Variants in PCDH11X observed in about 807,000 individuals in gnomAD.
PCDH11X encodes the protein protocadherin 11 X-linked, also known as protocadherin-11 X-linked.
In PCDH11X, 18 loss-of-function variants were observed where a neutral mutation model predicts 53.3. The observed-to-expected ratio is 0.34, with a 90% confidence interval of 0.23 to 0.50. PCDH11X has a LOEUF of 0.50. Ranked by LOEUF, PCDH11X falls within the 20% of genes least tolerant of loss-of-function variation. The pLI is 0.98. For synonymous variants in PCDH11X, 279 were observed against 393.3 expected (o/e 0.71, Z 3.44); for missense variants, 570 against 1,032.4 (o/e 0.55, Z 6.14).
chrX:92,540,662 G>T (rs2074740010), intron 10 of PCDH11X, among the ~76,000 whole-genome samples: 2 of 105,990 alleles, frequency 1.9e-5, no homozygotes, highest in Admixed American at 2.1e-4. Flanking sequence ...TGGGAATATG[G>T]CAGGTCACAC....
chrX:91,933,968 T>C (rs2061416956), intron 6 of PCDH11X, among the ~76,000 whole-genome samples: 1 of 110,397 alleles, frequency 9.1e-6, no homozygotes, highest in East Asian at 2.9e-4. Flanking sequence ...GTTGAATGTG[T>C]TGAGTGTCTC....
intron 1 of PCDH11X, among the ~76,000 whole-genome samples, chrX:91,790,448 C>T (rs1935495150): frequency 8.9e-6 from 1 of 112,307 alleles, no homozygotes; most frequent in Non-Finnish European, 1.9e-5. Flanking sequence ...CAGAATTGAA[C>T]ATATCAGCTA....
chrX:91,870,470 G>C (rs1939226441), intron 5 of PCDH11X, among the ~76,000 whole-genome samples: 1 of 109,685 alleles, frequency 9.1e-6, no homozygotes, highest in Non-Finnish European at 1.9e-5. Flanking sequence ...TGTCAAAAGG[G>C]AAAAACAAAG....
intron 6 of PCDH11X, among the ~76,000 whole-genome samples, chrX:91,911,474 C>A (rs1207752654): frequency 4.6e-5 from 5 of 108,210 alleles, no homozygotes; most frequent in Non-Finnish European, 9.6e-5. Flanking sequence ...TCCAATTATA[C>A]TTTTTTGGTT....
At chrX:92,199,602 T>C (rs2066354668) in intron 6 of PCDH11X, among the ~76,000 whole-genome samples, 1 of 111,086 alleles carries the variant, frequency 9.0e-6, no homozygotes, top group Non-Finnish European at 1.9e-5. Flanking sequence ...CAGTTAGGTC[T>C]CAGCAGTTCT....
chrX:92,168,703 T>C (rs1183169386), intron 6 of PCDH11X, among the ~76,000 whole-genome samples: 1 of 111,861 alleles, frequency 8.9e-6, no homozygotes, highest in Non-Finnish European at 1.9e-5. Flanking sequence ...AGTTGTACCA[T>C]TGAAAGTTAT....
intron 1 of PCDH11X, among the ~76,000 whole-genome samples, chrX:91,795,653 G>A (rs1935708593): frequency 9.0e-6 from 1 of 110,737 alleles, no homozygotes; most frequent in Non-Finnish European, 1.9e-5. Context: ...CTTCTTGAAT[G>A]TTAGGGACGT....
chrX:92,330,837 A>T (rs2069447014), intron 8 of PCDH11X, among the ~76,000 whole-genome samples: 1 of 102,385 alleles, frequency 9.8e-6, no homozygotes, highest in Non-Finnish European at 2.0e-5. Context: ...TGTATGAATC[A>T]ACTTATGTAA....
intron 10 of PCDH11X, among the ~76,000 whole-genome samples, chrX:92,583,264 T>C (rs1364426790): frequency 1.9e-5 from 2 of 105,678 alleles, no homozygotes; most frequent in Non-Finnish European, 3.9e-5. Flanking sequence ...CATGCCTGGC[T>C]AATTTTGTGT....
At chrX:92,158,878 C>T (rs1188556511) in intron 6 of PCDH11X, among the ~76,000 whole-genome samples, 1 of 111,629 alleles carries the variant, frequency 9.0e-6, no homozygotes, top group Non-Finnish European at 1.9e-5. Flanking sequence ...TCGTGATCTG[C>T]TCACCTCGGC....
intron 7 of PCDH11X, among the ~76,000 whole-genome samples, chrX:92,215,164 C>G (rs372738419): frequency 3.6e-5 from 4 of 110,745 alleles, no homozygotes; most frequent in Non-Finnish European, 7.6e-5. Flanking sequence ...TCTGAGGTAC[C>G]GGGTTCATCT....
At chrX:92,348,535 TA>T in intron 8 of PCDH11X, among the ~76,000 whole-genome samples, 1 of 105,611 alleles carries the variant, frequency 9.5e-6, no homozygotes, top group Middle Eastern at 4.8e-3. Flanking sequence ...TTATTATTAT[TA>T]TTATTATTAT....
intron 6 of PCDH11X, among the ~76,000 whole-genome samples, chrX:92,004,861 C>T (rs773943658): frequency 2.9e-5 from 3 of 104,911 alleles, no homozygotes; most frequent in South Asian, 9.1e-4. Flanking sequence ...CTGCAAGCTC[C>T]GCCTCCCAGG....
intron 10 of PCDH11X, among the ~76,000 whole-genome samples, chrX:92,582,454 G>C (rs77338681): frequency 0.021 from 2,343 of 109,487 alleles, 62 homozygotes; most frequent in African/African-American, 0.074. Context: ...ACGTGGTGTT[G>C]AGCCTGTGAG....
chrX:92,593,275 G>T (rs1207566402), intron 10 of PCDH11X, among the ~76,000 whole-genome samples: 1 of 111,626 alleles, frequency 9.0e-6, no homozygotes, highest in Admixed American at 9.6e-5. Flanking sequence ...GACATATAGA[G>T]TTAGCCAGAT....
chrX:92,332,138 T>A (rs1179851950), intron 8 of PCDH11X, among the ~76,000 whole-genome samples: 1 of 112,035 alleles, frequency 8.9e-6, no homozygotes, highest in Non-Finnish European at 1.9e-5. Context: ...CATTTGCAAA[T>A]TATCTGCTGA....
intron 10 of PCDH11X, among the ~76,000 whole-genome samples, chrX:92,534,618 T>C (rs996623935): frequency 1.8e-5 from 2 of 110,099 alleles, no homozygotes; most frequent in African/African-American, 6.6e-5. Flanking sequence ...TTCACCAAGG[T>C]TGAAATGAAG....
chrX:92,074,426 C>A (rs1290860043), intron 6 of PCDH11X, among the ~76,000 whole-genome samples: 2 of 111,070 alleles, frequency 1.8e-5, no homozygotes, highest in East Asian at 5.6e-4. Context: ...TTATTTATGT[C>A]TGAAAATGAA....
intron 7 of PCDH11X, among the ~76,000 whole-genome samples, chrX:92,210,809 C>T (rs1737986303): frequency 1.8e-5 from 2 of 111,597 alleles, no homozygotes; most frequent in Non-Finnish European, 1.9e-5. Flanking sequence ...GTCTCTTTGC[C>T]AAAGCATAGC....
Sources: gnomAD v4.1 joint callset for allele counts (sites outside exome capture counted in the v4.1 genomes callset) on GRCh38, gnomAD v4.1.1 for gene constraint, MANE v1.5 for transcripts, NCBI Gene and HGNC (gene_info 2026-07-23, HGNC 2026-07-21) for gene names.